Variants in FOCAD observed in about 807,000 individuals in gnomAD.
FOCAD encodes focadhesin, also known as KIAA1797.
In FOCAD, 198 loss-of-function variants were observed where a neutral mutation model predicts 225.6. The ratio of observed to expected loss-of-function variants is 0.88; its 90% CI spans 0.78 to 0.99. The LOEUF (loss-of-function observed/expected upper bound fraction) is 0.99, where lower values mean the gene tolerates loss of function less well. FOCAD is among the 50% of genes least tolerant of loss of function. FOCAD has a pLI of 0.00. For missense variants in FOCAD, 2,713 were observed against 2,123.6 expected (o/e 1.28, Z -5.46); for synonymous variants, 897 against 755.0 (o/e 1.19, Z -3.08).
At chr9:20,673,708 T>C (rs1170448070) in intron 2 of FOCAD, among the ~76,000 whole-genome samples, 1 of 152,060 alleles carries the variant, frequency 6.6e-6, no homozygotes, top group Non-Finnish European at 1.5e-5. Context: ...GCTCAAGCAG[T>C]CCTCCCACCT....
intron 5 of FOCAD, among the ~76,000 whole-genome samples, chr9:20,753,059 G>A (rs952359894): frequency 1.3e-5 from 2 of 152,026 alleles, no homozygotes; most frequent in Non-Finnish European, 2.9e-5. Context: ...GAGATTTTGG[G>A]CTGAGTCAAT....
intron 15 of FOCAD, among the ~76,000 whole-genome samples, chr9:20,848,435 G>A (rs1827333633): frequency 1.3e-5 from 2 of 152,018 alleles, no homozygotes; most frequent in Admixed American, 6.6e-5. Flanking sequence ...CAGAAAGGTG[G>A]TGGGGAGGGT....
chr9:20,777,619 T>A (rs1177256104), intron 8 of FOCAD, among the ~76,000 whole-genome samples: 1 of 152,176 alleles, frequency 6.6e-6, no homozygotes. Context: ...TCGAAAATAA[T>A]CTCTACCTCC....
rs755614619 is a variant in FOCAD, at chr9:20,862,608, C to T, written c.1951C>T (p.Leu651Phe). The T allele has an allele frequency of 1.2e-6, 2 of 1,613,328 alleles. No individual in the cohort carries two copies. The highest frequency in any genetic ancestry group is 2.2e-5 in the East Asian group (1 of 44,850). ...TTGCATTCGCTCCACTTGGAATGCT[C>T]TCTCTCCAAAGCTGAGTTGTGACAC... ...VVCIRSTWNA[L>F]SPKLSCDTRP... Residue 651 changes from leucine (L) to phenylalanine (F), a missense_variant, in exon 16 of 44, where the codon CTC (leucine) becomes TTC (phenylalanine). By Grantham distance (22) the Leu-to-Phe change is conservative. Transcript: ENST00000338382.
chr9:20,819,691 A>G (rs1824108450), intron 11 of FOCAD, 105 bp from the exon 12 acceptor site: 1 of 510,868 alleles, frequency 2.0e-6, no homozygotes, highest in African/African-American at 2.0e-5. Context: ...CTTCCAATTC[A>G]TTCATATTCA....
Position 20,789,405 on chromosome 9 carries a change from G to T in FOCAD, c.1252G>T (p.Ala418Ser). The T allele has an allele frequency of 6.2e-7, 1 of 1,613,992 alleles. No individual in the cohort carries two copies. Among genetic ancestry groups the T allele is most frequent in the African/African-American group, 1.3e-5 (1 of 75,010 alleles). Reference protein sequence around the residue: ...VTSMYGTIFTAWRILEVMTDS... With the variant: ...VTSMYGTIFTSWRILEVMTDS... ...CAGTATGTATGGTACAATATTTACA[G>T]CCTGGAGGATTCTTGAAGTAATGAC... is the stretch of plus-strand genomic sequence containing the variant. The change falls in exon 11 of 44, where the codon GCC becomes TCC. Residue 418 changes from alanine to serine, a missense_variant. Coordinates refer to ENST00000338382, the MANE Select transcript of FOCAD (RefSeq NM_001375567.1).
intron 3 of FOCAD, among the ~76,000 whole-genome samples, chr9:20,720,010 T>G (rs975839097): frequency 7.2e-5 from 11 of 152,094 alleles, no homozygotes; most frequent in African/African-American, 2.7e-4. Flanking sequence ...TAAATAGTAT[T>G]TGGAGTTCAA....
intron 1 of FOCAD, among the ~76,000 whole-genome samples, chr9:20,702,105 A>G (rs1227825977): frequency 1.3e-5 from 2 of 151,904 alleles, no homozygotes; most frequent in Non-Finnish European, 2.9e-5. Context: ...TATTGTTATT[A>G]TTATTATTAT....
chr9:20,677,196 C>T (rs1309945136), intron 2 of FOCAD, among the ~76,000 whole-genome samples: 1 of 152,164 alleles, frequency 6.6e-6, no homozygotes, highest in Non-Finnish European at 1.5e-5. Context: ...TGGACCCTTA[C>T]CTCACCCCAT....
intron 7 of FOCAD, among the ~76,000 whole-genome samples, chr9:20,767,654 C>G (rs1446474718): frequency 2.1e-5 from 3 of 142,730 alleles, no homozygotes; most frequent in African/African-American, 7.7e-5. Flanking sequence ...TGTCCTTCGC[C>G]CACTTTTTGA....
At chr9:20,789,219 C>A in intron 10 of FOCAD, 132 bp from the exon 11 acceptor site, 1 of 995,712 alleles carries the variant, frequency 1.0e-6, no homozygotes, top group Non-Finnish European at 1.5e-6. Context: ...AGGATTTTGG[C>A]AGTAATTCAA....
intron 6 of FOCAD, among the ~76,000 whole-genome samples, chr9:20,760,770 T>C (rs767969494): frequency 6.6e-6 from 1 of 152,198 alleles, no homozygotes. Context: ...TTCATTATTC[T>C]CTGTATTAGT....
At chr9:20,811,211 G>A (rs10511683) in intron 11 of FOCAD, among the ~76,000 whole-genome samples, 81,279 of 151,804 alleles carry the variant, frequency 0.54, 22,772 homozygotes, top group East Asian at 0.72. Context: ...AAAGGTCTAT[G>A]AGATGTCATC....
chr9:20,870,608 ACT>A (rs1406603188), intron 18 of FOCAD, among the ~76,000 whole-genome samples: 1 of 152,098 alleles, frequency 6.6e-6, no homozygotes, highest in African/African-American at 2.4e-5. Context: ...GTGGTAAACC[ACT>A]CTCTTGTGAT....
intron 7 of FOCAD, among the ~76,000 whole-genome samples, chr9:20,766,742 C>T (rs1434472994): frequency 6.6e-6 from 1 of 151,768 alleles, no homozygotes; most frequent in African/African-American, 2.4e-5. Context: ...TTTGTTTTGC[C>T]AGGAATTTTC....
chr9:20,784,169 G>A (rs750474484), intron 10 of FOCAD, among the ~76,000 whole-genome samples: 8 of 152,166 alleles, frequency 5.3e-5, no homozygotes, highest in Admixed American at 1.3e-4. Flanking sequence ...ACCACTTGTC[G>A]TGTGAGCAGG....
upstream of FOCAD, among the ~76,000 whole-genome samples, chr9:20,680,460 A>G (rs1822368367): frequency 6.6e-6 from 1 of 152,222 alleles, no homozygotes; most frequent in Non-Finnish European, 1.5e-5. Context: ...TGGGAGGCTG[A>G]GGCAGGAGAA....
chr9:20,739,932 C>T (rs1250215791), intron 4 of FOCAD, among the ~76,000 whole-genome samples: 2 of 152,026 alleles, frequency 1.3e-5, no homozygotes, highest in Admixed American at 1.3e-4. Context: ...GTGTGGGCAA[C>T]CAATGTGGTC....
chr9:20,715,301 A>G (rs1329849424), intron 1 of FOCAD, 21 bp from the exon 2 acceptor site: 2 of 1,204,394 alleles, frequency 1.7e-6, no homozygotes, highest in African/African-American at 3.1e-5. Flanking sequence ...ACTAACAAAT[A>G]TTCTTTTGTT....
Sources: allele counts gnomAD v4.1 joint callset (sites outside exome capture counted in the v4.1 genomes callset), GRCh38; gene constraint gnomAD v4.1.1; transcripts MANE v1.5; gene names NCBI Gene and HGNC (gene_info 2026-07-23, HGNC 2026-07-21).